HSF4: variants seen among roughly 807,000 people sequenced by gnomAD.
The protein encoded by HSF4 is heat shock transcription factor 4, also known as heat shock factor protein 4.
HSF4 carries 41 observed loss-of-function variants against 52.0 expected under a neutral mutation model. That is an observed-to-expected ratio of 0.79 (90% CI 0.61 to 1.02). HSF4 has a LOEUF of 1.02. Ranked by LOEUF, HSF4 falls within the 50% of genes least tolerant of loss-of-function variation. The probability of loss-of-function intolerance (pLI) is 0.00; values close to 1 mark genes in which losing one functional copy is unlikely to be tolerated. For missense variants in HSF4, 610 were observed against 651.1 expected (o/e 0.94, Z 0.69); for synonymous variants, 285 against 273.0 (o/e 1.04, Z -0.43).
chr16:67,165,859 T>G lies in HSF4; in HGVS notation c.360+13T>G. ...CGTGCGGCGCAAGGTGGGGGCGGCC[T>G]GCGGGAATGAGCAAAGAGGAGGAGG... On this transcript the variant is annotated intron_variant, in intron 3 of 12. Coordinates refer to ENST00000521374, the MANE Select transcript of HSF4 (RefSeq NM_001374675.1). This position sits in a 1 kb window ranked among gnomAD's most constrained non-coding sequence, Gnocchi z 6.9. 6.2e-7 allele frequency: 1 copy of G among 1,600,518 alleles called. No individual in the cohort carries two copies. Among genetic ancestry groups the G allele is most frequent in the Non-Finnish European group, 8.5e-7 (1 of 1,178,744 alleles).
Position 67,169,456 on chromosome 16 carries a change from C to T in HSF4, c.1324+108C>T, listed in dbSNP as rs971093526. ...TTTGCAGGGAAATCCTGAGTTCAGG[C>T]TGCACTGCAGAGCGTTCCTTGAGCC... On this transcript the variant is annotated intron_variant, in intron 12 of 12. Transcript: ENST00000521374. This position sits in a 1 kb window ranked among gnomAD's most constrained non-coding sequence, Gnocchi z 4.3. 7.0e-6 allele frequency: 11 copies of T among 1,568,874 alleles called. No homozygotes were observed. Among genetic ancestry groups the T allele is most frequent in the African/African-American group, 2.7e-5 (2 of 73,822 alleles).
rs1231856052 is a variant in HSF4, at chr16:67,169,052, T to C, written c.1205T>C (p.Leu402Pro). 6.2e-7 allele frequency: 1 copy of C among 1,613,752 alleles called. No homozygotes were observed. Among genetic ancestry groups the C allele is most frequent in the Non-Finnish European group, 8.5e-7 (1 of 1,180,032 alleles). The change falls in exon 11 of 13, where the codon CTC becomes CCC. Residue 402 changes from leucine to proline, a missense_variant. Leu to Pro is a moderately conservative substitution (Grantham distance 98). Coordinates refer to ENST00000521374, the MANE Select transcript of HSF4 (RefSeq NM_001374675.1). This position sits in a 1 kb window ranked among gnomAD's most constrained non-coding sequence, Gnocchi z 4.3. Reference protein sequence around the residue: ...AGPLDVLGPSLQGREWTLMDL... With the variant: ...AGPLDVLGPSPQGREWTLMDL... ...TCTCCTCAGGTGCTGGGCCCCAGTC[T>C]CCAAGGGCGAGAATGGACCCTGATG...
At chr16:67,164,045 C>T (rs1241662984), upstream of HSF4, 1 of 718,730 alleles carries the variant, frequency 1.4e-6, no homozygotes, top group Non-Finnish European at 2.5e-6. Flanking sequence ...GTCCTGGACA[C>T]ACTGCCCCCC....
intron 8 of HSF4, 44 bp downstream of exon 8, chr16:67,167,643 C>T (rs1192725729): frequency 6.2e-7 from 1 of 1,612,188 alleles, no homozygotes; most frequent in Admixed American, 1.7e-5. Context: ...TGGGGGAGGG[C>T]CTGGCAGCCC....
At position 67,167,112 on chromosome 16, in the gene HSF4, C is replaced by A. The variant is rs760972033; in HGVS notation, c.627-8C>A. The A allele has an allele frequency of 1.2e-6, 2 of 1,614,026 alleles. No homozygotes were observed. The highest frequency in any genetic ancestry group is 2.7e-5 in the African/African-American group (2 of 74,950). ...CCACCCCTGCCTGTGCCCTGATCGA[C>A]CACACAGGTCCCTGATGCTGGATGA... On this transcript the variant is annotated splice_region_variant and splice_polypyrimidine_tract_variant and intron_variant, in intron 6 of 12. Transcript: ENST00000521374.
At position 67,165,702 on chromosome 16, in the gene HSF4, C is replaced by T. The variant is rs756099542; in HGVS notation, c.233-17C>T. The T allele has an allele frequency of 9.3e-6, 15 of 1,611,888 alleles. No individual in the cohort carries two copies. In the Middle Eastern group the frequency reaches 4.9e-4, roughly 53 times the overall value. Reference sequence around the variant, plus strand: ...CCGGGGATGGGGCGACCCACGCCCCCACGCCCCACTCCCCAGACGGTTTTC... The same window carrying T: ...CCGGGGATGGGGCGACCCACGCCCCTACGCCCCACTCCCCAGACGGTTTTC... On this transcript the variant is annotated splice_polypyrimidine_tract_variant and intron_variant, in intron 2 of 12. Transcript: ENST00000521374. This position sits in a 1 kb window ranked among gnomAD's most constrained non-coding sequence, Gnocchi z 6.9.
chr16:67,169,446 T>G lies in HSF4; in HGVS notation c.1324+98T>G. 1 of 1,569,444 alleles carries G rather than the reference T, an allele frequency of 6.4e-7. No individual in the cohort carries two copies. The highest frequency in any genetic ancestry group is 8.6e-7 in the Non-Finnish European group (1 of 1,158,424). Reference sequence around the variant, plus strand: ...CAATCTGCAATTTGCAGGGAAATCCTGAGTTCAGGCTGCACTGCAGAGCGT... The same window carrying G: ...CAATCTGCAATTTGCAGGGAAATCCGGAGTTCAGGCTGCACTGCAGAGCGT... On this transcript the variant is annotated intron_variant, in intron 12 of 12. Coordinates refer to ENST00000521374, the MANE Select transcript of HSF4 (RefSeq NM_001374675.1). The surrounding 1 kb of genome is among the most constrained non-coding windows in gnomAD (Gnocchi z 4.3).
In HSF4 at chr16:67,165,405, G is replaced by C. The variant is rs1597237600; in HGVS notation, c.124-117G>C. 1.0e-6 allele frequency: 1 copy of C among 961,214 alleles called. No homozygotes were observed. Among genetic ancestry groups the C allele is most frequent in the Non-Finnish European group, 1.7e-6 (1 of 602,822 alleles). 59.5% of individuals were successfully genotyped at this position (961,214 alleles called of 1,614,324 possible). ...CCATATCCCCGTAAGCGGCAGGCCT[G>C]GACCCAAGAGTGAGCATGAGTGTGT... is the stretch of plus-strand genomic sequence containing the variant. On this transcript the variant is annotated intron_variant, in intron 1 of 12. Transcript: ENST00000521374. The surrounding 1 kb of genome is among the most constrained non-coding windows in gnomAD (Gnocchi z 6.9).
rs763541172 is a variant in HSF4, at chr16:67,166,590, G to T, written c.594G>T (p.Ala198=). 3.7e-6 allele frequency: 6 copies of T among 1,613,752 alleles called. No homozygotes were observed. The highest frequency in any genetic ancestry group is 5.1e-6 in the Non-Finnish European group (6 of 1,179,976). Residue 198 remains alanine, a synonymous_variant, in exon 6 of 13, where the codon GCG becomes GCT. Coordinates refer to ENST00000521374, the MANE Select transcript of HSF4 (RefSeq NM_001374675.1). ...AGTGTCTCTTTGGGCCACTTCAGGC[G>T]GGGCCGAGCAATGCAGGAGGCAAGA... ...LIQCLFGPLQ[A]GPSNAGGKRK... is the part of the protein sequence containing the mutation.
chr16:67,168,390 C>T (rs1431907611), intron 9 of HSF4, among the ~76,000 whole-genome samples: 3 of 151,976 alleles, frequency 2.0e-5, no homozygotes, highest in African/African-American at 7.3e-5. Context: ...AGGACAGTCG[C>T]TTGAACTTGG....
chr16:67,169,116 G>A lies in HSF4; in HGVS notation c.1254+15G>A, dbSNP rs982143780. On this transcript the variant is annotated intron_variant, in intron 11 of 12. Coordinates refer to ENST00000521374, the MANE Select transcript of HSF4 (RefSeq NM_001374675.1). The surrounding 1 kb of genome is among the most constrained non-coding windows in gnomAD (Gnocchi z 4.3). Reference sequence around the variant, plus strand: ...AGCTGTCCTTGGTAAGAAGTGGGTCGGGGAGGGCAGAGGCCAGGGGTGGCT... The same window carrying A: ...AGCTGTCCTTGGTAAGAAGTGGGTCAGGGAGGGCAGAGGCCAGGGGTGGCT... 18 of 1,611,590 alleles carry A rather than the reference G, an allele frequency of 1.1e-5. No homozygotes were observed. The highest frequency in any genetic ancestry group is 1.7e-5 in the Admixed American group (1 of 60,024).
At position 67,169,244 on chromosome 16, in the gene HSF4, C is replaced by A. The variant is rs1316667881; in HGVS notation, c.1255-35C>A. On this transcript the variant is annotated intron_variant, in intron 11 of 12. Transcript: ENST00000521374. This position sits in a 1 kb window ranked among gnomAD's most constrained non-coding sequence, Gnocchi z 4.3. The stretch of plus-strand genomic sequence containing the variant: ...CAGCTGTCCCCCTCAGCTGCTAGGT[C>A]CCCTCCCCAGCTGCTCCCTGCGGTT... The A allele has an allele frequency of 1.9e-6, 3 of 1,612,210 alleles. No individual in the cohort carries two copies. Among genetic ancestry groups the A allele is most frequent in the South Asian group, 1.1e-5 (1 of 90,840 alleles).
Position 67,166,560 on chromosome 16 carries a change from G to C in HSF4, c.564G>C (p.Leu188=). The C allele has an allele frequency of 6.2e-7, 1 of 1,613,972 alleles. No homozygotes were observed. The highest frequency in any genetic ancestry group is 8.5e-7 in the Non-Finnish European group (1 of 1,179,978). Residue 188 remains leucine (L), a splice_region_variant and synonymous_variant, in exon 6 of 13, where the codon CTG becomes CTC. Coordinates refer to ENST00000521374, the MANE Select transcript of HSF4 (RefSeq NM_001374675.1). The part of the protein sequence containing the change: ...HGQQHRVIGK[L]IQCLFGPLQA... The stretch of plus-strand genomic sequence containing the variant: ...TTAAACCTTTGCTTTCTCTTCAGCT[G>C]ATCCAGTGTCTCTTTGGGCCACTTC...
At position 67,169,781 on chromosome 16, in the gene HSF4, C is replaced by T. The variant is rs182365484; in HGVS notation, c.1475C>T (p.Pro492Leu). The change falls in exon 13 of 13, where the codon CCC (proline) becomes CTC (leucine). Residue 492 changes from proline to leucine, a missense_variant. Pro to Leu is a moderately conservative substitution (Grantham distance 98, BLOSUM62 -3). Coordinates refer to ENST00000521374, the MANE Select transcript of HSF4 (RefSeq NM_001374675.1). This position sits in a 1 kb window ranked among gnomAD's most constrained non-coding sequence, Gnocchi z 4.3. The part of the protein sequence containing the change: ...SYLGPEASPS[P>L] ...TTGGGCCCGGAAGCCAGTCCCTCCC[C>T]CTAAGACCCCGCGCCTCTGAAGGGG... 7.7e-5 allele frequency: 124 copies of T among 1,613,126 alleles called. No individual in the cohort carries two copies. In the East Asian group the frequency reaches 1.1e-3, roughly 14 times the overall value.
rs1255323017 is a variant in HSF4 at position 67,169,345 on chromosome 16, C to T, written c.1321C>T (p.Pro441Ser). Residue 441 changes from proline to serine, a missense_variant, in exon 12 of 13, where the codon CCA becomes TCA. Coordinates refer to ENST00000521374, the MANE Select transcript of HSF4 (RefSeq NM_001374675.1). The surrounding 1 kb of genome is among the most constrained non-coding windows in gnomAD (Gnocchi z 4.3). ...LAVKGLNSPS[P>S]GKDPTLGAPL... Reference sequence around the variant, plus strand: ...GGTCAAGGGGTTAAATTCTCCAAGCCCAGGTAATGGTTGTGATGACTCCTA... The same window carrying T: ...GGTCAAGGGGTTAAATTCTCCAAGCTCAGGTAATGGTTGTGATGACTCCTA... 28 of 1,613,048 alleles carry T rather than the reference C, an allele frequency of 1.7e-5. No individual in the cohort carries two copies. Among genetic ancestry groups the T allele is most frequent in the Non-Finnish European group, 2.4e-5 (28 of 1,179,696 alleles).
At chr16:67,166,455 C>T (rs895523534) in intron 5 of HSF4, 60 bp downstream of exon 5, 4 of 1,592,518 alleles carry the variant, frequency 2.5e-6, no homozygotes, top group Admixed American at 1.7e-5. Flanking sequence ...ATTCCACCGC[C>T]CAGTCCCCCG....
At chr16:67,168,510 G>C (rs1357038436) in intron 9 of HSF4, among the ~76,000 whole-genome samples, 1 of 151,158 alleles carries the variant, frequency 6.6e-6, no homozygotes, top group Non-Finnish European at 1.5e-5. Context: ...GAGAGAGAGA[G>C]AGAGAAAGAA....
chr16:67,169,183 A>T lies in HSF4; in HGVS notation c.1254+82A>T. The T allele has an allele frequency of 6.2e-7, 1 of 1,606,686 alleles. No homozygotes were observed. The highest frequency in any genetic ancestry group is 8.5e-7 in the Non-Finnish European group (1 of 1,177,130). ...TCCATAGCTGTTCTCTGTGAGCCAA[A>T]GCCGTGTCTCTAGAAGAATTGTCAC... is the stretch of plus-strand genomic sequence containing the variant. On this transcript the variant is annotated intron_variant, in intron 11 of 12. Transcript: ENST00000521374. The surrounding 1 kb of genome is among the most constrained non-coding windows in gnomAD (Gnocchi z 4.3).
Position 67,169,928 on chromosome 16 carries a change from C to A in HSF4, c.*143C>A. ...TACCCCGACTATCCCTGCACATAAA[C>A]TCCGTTTTTTTTTTTTCTGTTTCTG... On this transcript the variant is annotated 3_prime_UTR_variant, in exon 13 of 13. Transcript: ENST00000521374. The surrounding 1 kb of genome is among the most constrained non-coding windows in gnomAD (Gnocchi z 4.3). 1.2e-6 allele frequency: 1 copy of A among 808,038 alleles called. No homozygotes were observed. Among genetic ancestry groups the A allele is most frequent in the Non-Finnish European group, 2.0e-6 (1 of 502,352 alleles). The allele number at this position is 808,038 out of a possible 1,614,324, so 50.1% of individuals were successfully genotyped here.
Sources: allele counts gnomAD v4.1 joint callset (sites outside exome capture counted in the v4.1 genomes callset), GRCh38; gene constraint gnomAD v4.1.1; non-coding constraint Gnocchi (gnomAD v3.1); transcripts MANE v1.5; gene names NCBI Gene and HGNC (gene_info 2026-07-23, HGNC 2026-07-21).